The following NXPE2 variants were observed in gnomAD, a reference collection of about 807,000 sequenced individuals.
The protein encoded by NXPE2 is NXPE family member 2.
Under a neutral mutation model 34.4 loss-of-function variants are expected in NXPE2, and 34 were observed. The ratio of observed to expected loss-of-function variants is 0.99; its 90% confidence interval spans 0.75 to 1.31. NXPE2 has a LOEUF of 1.31. Among genes scored for constraint, NXPE2 ranks in the 40% most tolerant of loss-of-function variants. The probability of loss-of-function intolerance (pLI) is 0.00; values close to 1 mark genes in which losing one functional copy is unlikely to be tolerated. For missense variants in NXPE2, 649 were observed against 672.5 expected (o/e 0.97, Z 0.39); for synonymous variants, 235 against 231.3 (o/e 1.02, Z -0.15).
At chr11:114,773,288 C>CCCCA in the NXPE2 span, among the ~76,000 whole-genome samples, 5 of 95,870 alleles carry the variant, frequency 5.2e-5, no homozygotes, top group African/African-American at 1.1e-4. Context: ...CACCCCCCCC[C>CCCCA]CACCCCATTC....
the NXPE2 span, among the ~76,000 whole-genome samples, chr11:114,574,898 A>G: frequency 3.3e-5 from 5 of 152,198 alleles, no homozygotes; most frequent in Middle Eastern, 3.4e-3. Flanking sequence ...AAAGAAAACT[A>G]CAGACCAGTA....
the NXPE2 span, among the ~76,000 whole-genome samples, chr11:114,764,020 C>T: frequency 1.3e-5 from 2 of 152,152 alleles, no homozygotes; most frequent in Non-Finnish European, 2.9e-5. Flanking sequence ...TACCAGTAAT[C>T]TCAGGGAAAG....
chr11:114,653,110 T>A, the NXPE2 span, among the ~76,000 whole-genome samples: 1 of 152,214 alleles, frequency 6.6e-6, no homozygotes, highest in Admixed American at 6.5e-5. Flanking sequence ...AACAAGGGTT[T>A]TCTAAGAAGC....
the NXPE2 span, chr11:114,582,933 A>T: frequency 6.2e-7 from 1 of 1,614,002 alleles, no homozygotes; most frequent in East Asian, 2.2e-5. Flanking sequence ...TAGTGGCTTT[A>T]ATGATATCAG....
chr11:114,751,711 G>A, the NXPE2 span, among the ~76,000 whole-genome samples: 1 of 152,156 alleles, frequency 6.6e-6, no homozygotes, highest in Non-Finnish European at 1.5e-5. Context: ...CCTGGAACCT[G>A]CAAATATGTG....
chr11:114,802,612 C>T, the NXPE2 span, among the ~76,000 whole-genome samples: 1 of 152,064 alleles, frequency 6.6e-6, no homozygotes, highest in Non-Finnish European at 1.5e-5. Context: ...GCTAGACAGT[C>T]TTTTATTTTT....
At chr11:114,688,028 C>A (rs1368635722) in intron 2 of NXPE2, among the ~76,000 whole-genome samples, 1 of 152,046 alleles carries the variant, frequency 6.6e-6, no homozygotes, top group Non-Finnish European at 1.5e-5. Flanking sequence ...AGAATAATAT[C>A]ATCAATGAAG....
At chr11:114,717,723 C>T in the NXPE2 span, among the ~76,000 whole-genome samples, 1 of 152,212 alleles carries the variant, frequency 6.6e-6, no homozygotes, top group Non-Finnish European at 1.5e-5. Context: ...TCCCACTTCC[C>T]CCCACTGAGA....
chr11:114,752,753 T>G, the NXPE2 span, among the ~76,000 whole-genome samples: 1 of 152,072 alleles, frequency 6.6e-6, no homozygotes, highest in African/African-American at 2.4e-5. Context: ...TTTCAGAGTT[T>G]TAGATATATT....
At chr11:114,804,696 G>T in the NXPE2 span, among the ~76,000 whole-genome samples, 1 of 152,166 alleles carries the variant, frequency 6.6e-6, no homozygotes, top group Non-Finnish European at 1.5e-5. Flanking sequence ...AGCTTAGATT[G>T]GGGTCAGCAA....
chr11:114,738,429 T>A, the NXPE2 span, among the ~76,000 whole-genome samples: 1 of 152,274 alleles, frequency 6.6e-6, no homozygotes, highest in East Asian at 1.9e-4. Context: ...CTCCACTCTC[T>A]TTGGCTCCCT....
At chr11:114,505,811 A>G in the NXPE2 span, among the ~76,000 whole-genome samples, 4 of 152,148 alleles carry the variant, frequency 2.6e-5, no homozygotes, top group Admixed American at 1.3e-4. Context: ...GCTACCATAT[A>G]AACAAGTCTG....
the NXPE2 span, chr11:114,530,088 C>T: frequency 7.3e-7 from 1 of 1,367,662 alleles, no homozygotes; most frequent in Admixed American, 2.2e-5. Context: ...GCCTCTGAGT[C>T]ATGCTCAATG....
chr11:114,786,036 T>G, the NXPE2 span, among the ~76,000 whole-genome samples: 2 of 152,192 alleles, frequency 1.3e-5, no homozygotes, highest in Non-Finnish European at 2.9e-5. Context: ...CCAGAGAGAA[T>G]AATGAAGGTG....
At chr11:114,522,888 C>T in the NXPE2 span, 3 of 1,611,598 alleles carry the variant, frequency 1.9e-6, no homozygotes, top group African/African-American at 4.0e-5. Context: ...CTTTTTACAA[C>T]TTTGGGGAAG....
chr11:114,672,757 T>C, the NXPE2 span, among the ~76,000 whole-genome samples: 1 of 151,800 alleles, frequency 6.6e-6, no homozygotes, highest in Non-Finnish European at 1.5e-5. Flanking sequence ...ATCAGGGAGA[T>C]ATAACACTGA....
the NXPE2 span, among the ~76,000 whole-genome samples, chr11:114,603,001 ATCATATATAATAATTCTC>A: frequency 6.6e-6 from 1 of 151,192 alleles, no homozygotes; most frequent in African/African-American, 2.4e-5. Context: ...TAATTACAGA[ATCATATATAATAATTCTC>A]TCATATATAA....
the NXPE2 span, among the ~76,000 whole-genome samples, chr11:114,651,522 G>T: frequency 1.0e-3 from 159 of 152,344 alleles, no homozygotes; most frequent in African/African-American, 3.7e-3. Context: ...CCACAGCATG[G>T]AAGAGAATCC....
chr11:114,639,586 A>G, the NXPE2 span, among the ~76,000 whole-genome samples: 1 of 150,202 alleles, frequency 6.7e-6, no homozygotes, highest in Non-Finnish European at 1.5e-5. Flanking sequence ...TGTAGACTGG[A>G]GCTGTTCCTA....
Sources: gnomAD v4.1 joint callset for allele counts (sites outside exome capture counted in the v4.1 genomes callset) on GRCh38, gnomAD v4.1.1 for gene constraint, MANE v1.5 for transcripts, NCBI Gene and HGNC (gene_info 2026-07-23, HGNC 2026-07-21) for gene names.